The following R3HCC1L variants were observed in gnomAD, a reference collection of about 807,000 sequenced individuals.
R3HCC1L encodes R3H domain and coiled-coil containing 1 like.
A neutral mutation model predicts 59.9 loss-of-function variants in R3HCC1L; 51 were observed. The ratio of observed to expected loss-of-function variants is 0.85; its 90% CI spans 0.68 to 1.07. The LOEUF is 1.07. Ranked by LOEUF, R3HCC1L falls within the 50% of genes least tolerant of loss-of-function variation. The pLI is 0.00. For missense variants in R3HCC1L, 965 were observed against 933.0 expected (o/e 1.03, Z -0.45); for synonymous variants, 322 against 315.2 (o/e 1.02, Z -0.23).
At chr10:98,164,585 A>G (rs1038378591) in intron 4 of R3HCC1L, among the ~76,000 whole-genome samples, 6 of 151,880 alleles carry the variant, frequency 4.0e-5, no homozygotes, top group African/African-American at 1.5e-4. Flanking sequence ...TTTTTTTAAG[A>G]AGAAACTAAT....
At chr10:98,159,996 T>A (rs1374276602) in intron 2 of R3HCC1L, among the ~76,000 whole-genome samples, 1 of 152,198 alleles carries the variant, frequency 6.6e-6, no homozygotes, top group African/African-American at 2.4e-5. Flanking sequence ...TTAAAAGCAG[T>A]GAGTTTATAC....
intron 4 of R3HCC1L, among the ~76,000 whole-genome samples, chr10:98,195,535 C>T (rs1851334856): frequency 6.7e-6 from 1 of 149,938 alleles, no homozygotes; most frequent in African/African-American, 2.5e-5. Flanking sequence ...AAGGAGAATA[C>T]AGATTTTTAG....
chr10:98,192,426 A>G (rs1054360863), intron 4 of R3HCC1L, among the ~76,000 whole-genome samples: 1 of 152,146 alleles, frequency 6.6e-6, no homozygotes, highest in Non-Finnish European at 1.5e-5. Context: ...AAGGAAAAAG[A>G]GAATAGACTC....
intron 4 of R3HCC1L, chr10:98,186,577 C>G: frequency 4.5e-6 from 4 of 881,576 alleles, no homozygotes; most frequent in Non-Finnish European, 5.4e-6. Flanking sequence ...GTGACCATTG[C>G]CACTAACAGT....
intron 9 of R3HCC1L, among the ~76,000 whole-genome samples, chr10:98,238,866 C>G (rs1166117783): frequency 1.3e-5 from 2 of 152,228 alleles, no homozygotes; most frequent in African/African-American, 4.8e-5. Flanking sequence ...TTAGGTCTAA[C>G]TTAAATCTGC....
At position 98,235,412 on chromosome 10, in the gene R3HCC1L, T is replaced by C. The variant is rs755725208; in HGVS notation, c.2033-13T>C. ...ACTTCATGTCTTCTGCTTCCTTTTA[T>C]TCCTCTTTGCAGCTCGTGATGCGTT... On this transcript the variant is annotated splice_polypyrimidine_tract_variant and intron_variant, in intron 7 of 9. Transcript: ENST00000298999. 3.7e-6 allele frequency: 6 copies of C among 1,608,388 alleles called. No homozygotes were observed. Among genetic ancestry groups the C allele is most frequent in the Non-Finnish European group, 5.1e-6 (6 of 1,175,184 alleles).
intron 7 of R3HCC1L, among the ~76,000 whole-genome samples, chr10:98,234,995 C>T (rs775977617): frequency 7.9e-5 from 12 of 152,122 alleles, no homozygotes; most frequent in African/African-American, 1.2e-4. Flanking sequence ...GATATTGAAA[C>T]GTTAGTTCCT....
At chr10:98,144,064 G>C (rs922814488) in intron 1 of R3HCC1L, among the ~76,000 whole-genome samples, 9 of 152,050 alleles carry the variant, frequency 5.9e-5, no homozygotes, top group Admixed American at 5.2e-4. Flanking sequence ...AGCATTTTGT[G>C]GGGGGTCCGA....
intron 5 of R3HCC1L, among the ~76,000 whole-genome samples, chr10:98,216,609 G>A (rs1337045883): frequency 6.6e-6 from 1 of 152,102 alleles, no homozygotes; most frequent in Non-Finnish European, 1.5e-5. Context: ...GTCTCACTTT[G>A]TTGCCCAGGC....
At chr10:98,188,540 A>G (rs1048204294) in intron 4 of R3HCC1L, among the ~76,000 whole-genome samples, 2 of 152,220 alleles carry the variant, frequency 1.3e-5, no homozygotes, top group Non-Finnish European at 2.9e-5. Context: ...GCTAGACTGT[A>G]GAAAACTTCC....
chr10:98,199,924 T>G (rs935664825), intron 4 of R3HCC1L, among the ~76,000 whole-genome samples: 8 of 152,118 alleles, frequency 5.3e-5, no homozygotes, highest in African/African-American at 1.9e-4. Context: ...GATAGCATCC[T>G]TCATTTTGTG....
In R3HCC1L at chr10:98,234,512, T is replaced by G; in HGVS notation, c.2028T>G (p.Ile676Met). 6.2e-7 allele frequency: 1 copy of G among 1,611,398 alleles called. No individual in the cohort carries two copies. The highest frequency in any genetic ancestry group is 8.5e-7 in the Non-Finnish European group (1 of 1,177,886). Residue 676 changes from isoleucine to methionine, a missense_variant, in exon 7 of 10, where the codon ATT becomes ATG. Physicochemically the swap from Ile to Met is conservative, Grantham distance 10 (BLOSUM62 1). Transcript: ENST00000298999. Reference sequence around the variant, plus strand: ...CCCTAGGAGTATTCTCCAGTCCAATTACAGGTATTCACCCAGTGGCTTTCA... The same window carrying G: ...CCCTAGGAGTATTCTCCAGTCCAATGACAGGTATTCACCCAGTGGCTTTCA... ...THALGVFSSPITARDALGIKH... is the reference protein window; with the variant it reads ...THALGVFSSPMTARDALGIKH...
At chr10:98,181,413 G>A (rs1421535552) in intron 4 of R3HCC1L, among the ~76,000 whole-genome samples, 1 of 152,212 alleles carries the variant, frequency 6.6e-6, no homozygotes, top group African/African-American at 2.4e-5. Flanking sequence ...GCTTCCCTTT[G>A]TGGGTAATCC....
At chr10:98,173,056 A>G (rs915254117) in intron 4 of R3HCC1L, among the ~76,000 whole-genome samples, 4 of 152,146 alleles carry the variant, frequency 2.6e-5, no homozygotes, top group African/African-American at 9.7e-5. Context: ...ATTTTTACCT[A>G]GATTGTTAGG....
rs1853333530 is a variant in R3HCC1L, at chr10:98,209,779, A to G, written c.1665A>G (p.Thr555=). 1 of 1,613,874 alleles carries G rather than the reference A, an allele frequency of 6.2e-7. No homozygotes were observed. The highest frequency in any genetic ancestry group is 8.5e-7 in the Non-Finnish European group (1 of 1,179,808). ...FPDRESSSME[T]SIEPKATETS... is the part of the protein sequence containing the mutation. ...ATAGGGAATCATCATCTATGGAAACATCCATCGAACCAAAAGCAACTGAAA... is the reference window on the plus strand; with the variant it reads ...ATAGGGAATCATCATCTATGGAAACGTCCATCGAACCAAAAGCAACTGAAA... Residue 555 remains threonine, a synonymous_variant, in exon 5 of 10, where the codon ACA becomes ACG. Coordinates refer to ENST00000298999, the MANE Select transcript of R3HCC1L (RefSeq NM_001351015.2).
chr10:98,166,588 G>A (rs1479178584), intron 4 of R3HCC1L, among the ~76,000 whole-genome samples: 2 of 152,046 alleles, frequency 1.3e-5, no homozygotes, highest in Admixed American at 1.3e-4. Flanking sequence ...CAAGCCCTTA[G>A]TGATATTTTT....
At chr10:98,175,637 A>T (rs1441713812) in intron 4 of R3HCC1L, among the ~76,000 whole-genome samples, 1 of 152,114 alleles carries the variant, frequency 6.6e-6, no homozygotes, top group Non-Finnish European at 1.5e-5. Flanking sequence ...GTATTCTTAA[A>T]TTATTTTGTT....
intron 5 of R3HCC1L, among the ~76,000 whole-genome samples, chr10:98,223,908 G>T (rs1855359322): frequency 1.3e-5 from 2 of 151,990 alleles, no homozygotes; most frequent in African/African-American, 4.8e-5. Context: ...TGGGTCCTTG[G>T]GCTCCTGGGC....
Position 98,214,332 on chromosome 10 carries a change from T to C in R3HCC1L, c.1785+4433T>C, listed in dbSNP as rs569462210. ...TTGTTTCAGTGAATTCCATGAGATA[T>C]GGCATGTGGAGTATGGTTAGGGCAT... On this transcript the variant is annotated intron_variant, in intron 5 of 9. Coordinates refer to ENST00000298999, the MANE Select transcript of R3HCC1L (RefSeq NM_001351015.2). Among the ~76,000 whole-genome samples, 116 of 152,270 alleles carry C rather than the reference T, an allele frequency of 7.6e-4. No individual in the cohort carries two copies. The South Asian group carries it at 0.021, about 27-fold the overall frequency.
Sources: gnomAD v4.1 joint callset for allele counts (sites outside exome capture counted in the v4.1 genomes callset) on GRCh38, gnomAD v4.1.1 for gene constraint, MANE v1.5 for transcripts, NCBI Gene and HGNC (gene_info 2026-07-23, HGNC 2026-07-21) for gene names.